The following CACNA2D3 variants were observed in gnomAD, a reference collection of about 807,000 sequenced individuals.
The protein encoded by CACNA2D3 is voltage-dependent calcium channel subunit alpha-2/delta-3.
In CACNA2D3, 60 loss-of-function variants were observed where a neutral mutation model predicts 160.6. That is an observed-to-expected ratio of 0.37 (90% CI 0.30 to 0.46). CACNA2D3 has a LOEUF of 0.46. Among genes scored for constraint, CACNA2D3 ranks in the 20% least tolerant of loss-of-function variants. The pLI, the probability that CACNA2D3 is intolerant of heterozygous loss-of-function variation, is 1.00. For missense variants in CACNA2D3, 1,205 were observed against 1,365.0 expected (o/e 0.88, Z 1.85); for synonymous variants, 558 against 492.9 (o/e 1.13, Z -1.75).
At chr3:54,904,422 C>T (rs1159092331) in intron 27 of CACNA2D3, among the ~76,000 whole-genome samples, 2 of 152,128 alleles carry the variant, frequency 1.3e-5, no homozygotes, top group African/African-American at 4.8e-5. Flanking sequence ...GTCTGACTTC[C>T]CTGTTTATCT....
intron 4 of CACNA2D3, among the ~76,000 whole-genome samples, chr3:54,415,725 G>C (rs1364472010): frequency 6.6e-6 from 1 of 152,074 alleles, no homozygotes; most frequent in African/African-American, 2.4e-5. Flanking sequence ...TATTATCTCT[G>C]TTTTACATAT....
rs1439450096 is a variant in CACNA2D3 at position 54,562,724 on chromosome 3, A to G, written c.545-76A>G. The G allele has an allele frequency of 3.8e-6, 5 of 1,303,446 alleles. No individual in the cohort carries two copies. In the African/African-American group the frequency reaches 4.3e-5, roughly 11 times the overall value. The allele number at this position is 1,303,446 out of a possible 1,614,324, so 80.7% of individuals were successfully genotyped here. On this transcript the variant is annotated intron_variant, in intron 5 of 37. Coordinates refer to ENST00000474759, the MANE Select transcript of CACNA2D3 (RefSeq NM_018398.3). ...GAGTACCTTGTGCCAGTATCTGCCAAGCAGCGTGGGATGCCAGGAATTTTA... is the reference window on the plus strand; with the variant it reads ...GAGTACCTTGTGCCAGTATCTGCCAGGCAGCGTGGGATGCCAGGAATTTTA...
chr3:54,140,579 G>A (rs757740980), intron 2 of CACNA2D3, among the ~76,000 whole-genome samples: 2 of 152,214 alleles, frequency 1.3e-5, no homozygotes, highest in African/African-American at 2.4e-5. Context: ...AGAGGAAGAG[G>A]CAAATGCAAA....
chr3:55,019,962 G>A (rs9847514), intron 35 of CACNA2D3, among the ~76,000 whole-genome samples: 100,306 of 151,872 alleles, frequency 0.66, 33,460 homozygotes, highest in Admixed American at 0.7. Flanking sequence ...TACATTCACA[G>A]TGTTGTGCAA....
chr3:54,899,957 C>T, intron 27 of CACNA2D3, 89 bp downstream of exon 27: 1 of 919,346 alleles, frequency 1.1e-6, no homozygotes, highest in African/African-American at 1.7e-5. Context: ...CACGCTTATC[C>T]TCCAAAAAGG....
At chr3:54,429,041 C>T (rs1034886492) in intron 4 of CACNA2D3, among the ~76,000 whole-genome samples, 6 of 152,278 alleles carry the variant, frequency 3.9e-5, no homozygotes, top group Admixed American at 2.0e-4. Context: ...TGGGATGTAC[C>T]TGGAGGAAGA....
chr3:54,265,530 A>ATG (rs59375998), intron 2 of CACNA2D3, among the ~76,000 whole-genome samples: 41,129 of 136,516 alleles, frequency 0.3, 6,721 homozygotes, highest in East Asian at 0.49. Flanking sequence ...AACTTAAAGT[A>ATG]TGTGTGTGTG....
chr3:54,483,347 G>A (rs973274622), intron 4 of CACNA2D3, among the ~76,000 whole-genome samples: 2 of 152,126 alleles, frequency 1.3e-5, no homozygotes, highest in African/African-American at 4.8e-5. Flanking sequence ...CAGTTGATTA[G>A]GTGGAAGTGT....
chr3:54,410,420 T>G (rs1204023559), intron 4 of CACNA2D3, among the ~76,000 whole-genome samples: 1 of 152,064 alleles, frequency 6.6e-6, no homozygotes, highest in Non-Finnish European at 1.5e-5. Context: ...AAGCTCGGGC[T>G]GACTCTCTTA....
At chr3:54,548,106 G>GGA (rs1702094855) in intron 5 of CACNA2D3, among the ~76,000 whole-genome samples, 3 of 152,288 alleles carry the variant, frequency 2.0e-5, no homozygotes, top group Admixed American at 2.0e-4. Context: ...AGGGGAACTG[G>GGA]GAGGAGCTGA....
At chr3:54,542,207 A>G (rs7615647) in intron 5 of CACNA2D3, among the ~76,000 whole-genome samples, 151,381 of 151,944 alleles carry the variant, frequency 1, 75,411 homozygotes, top group Non-Finnish European at 1. Flanking sequence ...GATTACAGGC[A>G]CGTACCACCA....
chr3:54,124,042 C>T (rs908667431), intron 2 of CACNA2D3, among the ~76,000 whole-genome samples: 1 of 152,176 alleles, frequency 6.6e-6, no homozygotes, highest in East Asian at 1.9e-4. Flanking sequence ...TTTGTCATCC[C>T]TGCAGTTGTA....
At position 54,211,866 on chromosome 3, in the gene CACNA2D3, A is replaced by AT. The variant is rs1701378873; in HGVS notation, c.204+88276dup. On this transcript the variant is annotated intron_variant, in intron 2 of 37. Coordinates refer to ENST00000474759, the MANE Select transcript of CACNA2D3 (RefSeq NM_018398.3). ...TATTTTACTTCCCCTAGTTTTTTAC[A>AT]TTTTAGGTTTTTAGGTATTAGATTT... 2.0e-5 allele frequency among the ~76,000 whole-genome samples: 3 copies of AT among 152,222 alleles called. No homozygotes were observed. The South Asian group carries it at 6.2e-4, about 32-fold the overall frequency.
intron 5 of CACNA2D3, among the ~76,000 whole-genome samples, chr3:54,558,938 G>A (rs1031112806): frequency 1.3e-5 from 2 of 152,106 alleles, no homozygotes; most frequent in African/African-American, 2.4e-5. Context: ...GGAGAACAAG[G>A]GATCTAGCCT....
intron 14 of CACNA2D3, among the ~76,000 whole-genome samples, chr3:54,830,405 T>C (rs571226224): frequency 6.6e-6 from 1 of 152,226 alleles, no homozygotes; most frequent in Non-Finnish European, 1.5e-5. Context: ...CGGTCTTTGC[T>C]TCAGTTGGGT....
At chr3:54,354,902 A>G (rs1698622991) in intron 3 of CACNA2D3, among the ~76,000 whole-genome samples, 1 of 152,248 alleles carries the variant, frequency 6.6e-6, no homozygotes. Context: ...TTGCAACACC[A>G]GAAAGGAAAA....
intron 4 of CACNA2D3, among the ~76,000 whole-genome samples, chr3:54,494,469 T>G (rs1466430899): frequency 6.6e-6 from 1 of 152,164 alleles, no homozygotes; most frequent in African/African-American, 2.4e-5. Flanking sequence ...AAATGGCAGT[T>G]TTGAAGCTGC....
intron 13 of CACNA2D3, among the ~76,000 whole-genome samples, chr3:54,810,987 C>G (rs576871512): frequency 5.8e-4 from 88 of 152,304 alleles, no homozygotes; most frequent in African/African-American, 2.0e-3. Flanking sequence ...CTGCGCTGGT[C>G]CCATCTCATC....
At position 54,916,142 on chromosome 3, in the gene CACNA2D3, C is replaced by T. The variant is rs537553443; in HGVS notation, c.2449+16274C>T. Reference sequence around the variant, plus strand: ...AGTAGCTCTCAGCTAATGTAATATCCGTTCAAGTGGCTCATGGGGTGGGTG... The same window carrying T: ...AGTAGCTCTCAGCTAATGTAATATCTGTTCAAGTGGCTCATGGGGTGGGTG... On this transcript the variant is annotated intron_variant, in intron 27 of 37. Coordinates refer to ENST00000474759, the MANE Select transcript of CACNA2D3 (RefSeq NM_018398.3). Among the ~76,000 whole-genome samples the T allele has an allele frequency of 2.2e-4, 33 of 152,260 alleles. No homozygotes were observed. The South Asian group carries it at 3.3e-3, about 15-fold the overall frequency.
Sources: gnomAD v4.1 joint callset for allele counts (sites outside exome capture counted in the v4.1 genomes callset) on GRCh38, gnomAD v4.1.1 for gene constraint, MANE v1.5 for transcripts, NCBI Gene and HGNC (gene_info 2026-07-23, HGNC 2026-07-21) for gene names.